The following ANO10 variants were observed in gnomAD, a reference collection of about 807,000 sequenced individuals.
ANO10 encodes anoctamin 10.
Under a neutral mutation model 74.7 loss-of-function variants are expected in ANO10, and 77 were observed. The observed-to-expected ratio is 1.03, with a 90% CI of 0.86 to 1.25. The LOEUF (loss-of-function observed/expected upper bound fraction) is 1.25. ANO10 is among the 50% of genes most tolerant of loss of function. The pLI, the probability that ANO10 is intolerant of heterozygous loss-of-function variation, is 0.00. For synonymous variants in ANO10, 279 were observed against 284.9 expected (o/e 0.98, Z 0.21); for missense variants, 721 against 778.1 (o/e 0.93, Z 0.87).
intron 11 of ANO10, among the ~76,000 whole-genome samples, chr3:43,458,411 C>T (rs73831300): frequency 0.039 from 5,916 of 152,232 alleles, 360 homozygotes; most frequent in African/African-American, 0.13. Flanking sequence ...GACCACCTTG[C>T]CCTGCAAAGT....
At chr3:43,649,638 G>C (rs2083765653) in intron 1 of ANO10, among the ~76,000 whole-genome samples, 1 of 152,212 alleles carries the variant, frequency 6.6e-6, no homozygotes, top group Non-Finnish European at 1.5e-5. Flanking sequence ...TTTGAGCAAA[G>C]TGAAAGTAGA....
intron 11 of ANO10, among the ~76,000 whole-genome samples, chr3:43,541,524 G>A (rs2149279182): frequency 6.6e-6 from 1 of 151,996 alleles, no homozygotes; most frequent in African/African-American, 2.4e-5. Context: ...TTACTTAAGG[G>A]TTTTCTTAGT....
intron 4 of ANO10, among the ~76,000 whole-genome samples, chr3:43,592,907 G>C (rs2081869801): frequency 6.6e-6 from 1 of 152,124 alleles, no homozygotes; most frequent in Admixed American, 6.5e-5. Context: ...GAGAAGAGAA[G>C]ACCTTAAATG....
At chr3:43,544,549 T>TC (rs1337191453) in intron 11 of ANO10, among the ~76,000 whole-genome samples, 2 of 152,046 alleles carry the variant, frequency 1.3e-5, no homozygotes, top group Admixed American at 6.6e-5. Flanking sequence ...TCCCAGCACT[T>TC]TGGGAGGCTG....
chr3:43,684,872 A>G (rs2084254155), intron 1 of ANO10, among the ~76,000 whole-genome samples: 1 of 152,178 alleles, frequency 6.6e-6, no homozygotes, highest in Admixed American at 6.5e-5. Context: ...ATAGGTGGGA[A>G]TTTAACAATG....
intron 3 of ANO10, 131 bp from the exon 4 acceptor site, chr3:43,598,797 G>A: frequency 1.3e-6 from 1 of 744,714 alleles, no homozygotes; most frequent in Non-Finnish European, 2.1e-6. Flanking sequence ...TATGAAGCTG[G>A]TAAATTAAAT....
At chr3:43,443,247 G>C (rs2093187928) in intron 11 of ANO10, among the ~76,000 whole-genome samples, 1 of 152,180 alleles carries the variant, frequency 6.6e-6, no homozygotes, top group Non-Finnish European at 1.5e-5. Flanking sequence ...GAGTGAACAA[G>C]GAGTTGGTCT....
At chr3:43,605,490 C>G (rs1311551078) in intron 2 of ANO10, among the ~76,000 whole-genome samples, 1 of 152,184 alleles carries the variant, frequency 6.6e-6, no homozygotes, top group Non-Finnish European at 1.5e-5. Context: ...ATGCTGCTTT[C>G]AGTTTAATGG....
intron 1 of ANO10, among the ~76,000 whole-genome samples, chr3:43,615,201 G>C (rs2083036157): frequency 6.6e-6 from 1 of 152,082 alleles, no homozygotes; most frequent in African/African-American, 2.4e-5. Context: ...CCTTGAAGAA[G>C]AAACTTTAAT....
Position 43,460,052 on chromosome 3 carries a change from C to G in ANO10, c.1798-27325G>C, listed in dbSNP as rs148630705. On this transcript the variant is annotated intron_variant, in intron 11 of 12. Transcript: ENST00000292246. Reference sequence around the variant, plus strand: ...CCATTTGGAGAGATCATCAAAAGAACAGCAAAGAAACAAAAAGGCATCCAT... The same window carrying G: ...CCATTTGGAGAGATCATCAAAAGAAGAGCAAAGAAACAAAAAGGCATCCAT... 3.2e-3 allele frequency among the ~76,000 whole-genome samples: 492 copies of G among 152,164 alleles called. 1 individual carries two copies. Among genetic ancestry groups the G allele is most frequent in the African/African-American group, 0.011 (457 of 41,512 alleles).
At chr3:43,369,341 A>G (rs1214972894) in intron 12 of ANO10, among the ~76,000 whole-genome samples, 3 of 152,264 alleles carry the variant, frequency 2.0e-5, no homozygotes, top group Admixed American at 6.5e-5. Context: ...CGAGGTCACA[A>G]GGTCATCTGC....
At chr3:43,527,964 A>T (rs947568274) in intron 11 of ANO10, among the ~76,000 whole-genome samples, 1 of 152,154 alleles carries the variant, frequency 6.6e-6, no homozygotes, top group Non-Finnish European at 1.5e-5. Flanking sequence ...TATCTCCTGG[A>T]GGCTGAAGAT....
rs1349777224 is a variant in ANO10, at chr3:43,385,162, A to G, written c.1915-18188T>C. Among the ~76,000 whole-genome samples the G allele has an allele frequency of 2.0e-5, 3 of 152,256 alleles. No homozygotes were observed. The East Asian group carries it at 5.8e-4, about 29-fold the overall frequency. The stretch of plus-strand genomic sequence containing the variant: ...TGTACAAATGGACAACAAGCATATG[A>G]AAAAATGCTCAACATCATTAATGAT... On this transcript the variant is annotated intron_variant, in intron 12 of 12. Coordinates refer to ENST00000292246, the MANE Select transcript of ANO10 (RefSeq NM_018075.5).
chr3:43,554,186 CTTTTTTT>C (rs58374632), intron 10 of ANO10, among the ~76,000 whole-genome samples: 4 of 128,732 alleles, frequency 3.1e-5, no homozygotes, highest in South Asian at 2.5e-4. Context: ...AGTGATTTTT[CTTTTTTT>C]TTTTTTTTTT....
At chr3:43,428,897 TG>T (rs2092940255) in intron 12 of ANO10, among the ~76,000 whole-genome samples, 1 of 149,098 alleles carries the variant, frequency 6.7e-6, no homozygotes, top group African/African-American at 2.5e-5. Flanking sequence ...TTCAAAAATC[TG>T]AAAAAAAAAA....
intron 11 of ANO10, among the ~76,000 whole-genome samples, chr3:43,541,937 G>A (rs562718222): frequency 1.3e-5 from 2 of 152,308 alleles, no homozygotes; most frequent in South Asian, 2.1e-4. Context: ...TTCGACTAAC[G>A]CATTTCTTCT....
At chr3:43,443,567 A>T (rs1418016422) in intron 11 of ANO10, among the ~76,000 whole-genome samples, 2 of 152,146 alleles carry the variant, frequency 1.3e-5, no homozygotes, top group East Asian at 1.9e-4. Context: ...TAATAGCTGG[A>T]ATCTAAAAGA....
chr3:43,495,338 G>A (rs996506987), intron 11 of ANO10, among the ~76,000 whole-genome samples: 1 of 151,578 alleles, frequency 6.6e-6, no homozygotes, highest in Non-Finnish European at 1.5e-5. Flanking sequence ...GAAGTCTTAA[G>A]CAAGACAAGA....
chr3:43,411,609 T>C (rs1008221164), intron 12 of ANO10, among the ~76,000 whole-genome samples: 4 of 151,866 alleles, frequency 2.6e-5, no homozygotes, highest in Admixed American at 2.6e-4. Flanking sequence ...CTGGCAGGAG[T>C]CCTTCCACAG....
Sources: allele counts gnomAD v4.1 joint callset (sites outside exome capture counted in the v4.1 genomes callset), GRCh38; gene constraint gnomAD v4.1.1; transcripts MANE v1.5; gene names NCBI Gene and HGNC (gene_info 2026-07-23, HGNC 2026-07-21).